Variants in LCLAT1 observed in about 807,000 individuals in gnomAD.
The protein encoded by LCLAT1 is 1-AGP acyltransferase 8.
Under a neutral mutation model 30.7 loss-of-function variants are expected in LCLAT1, and 11 were observed. The ratio of observed to expected loss-of-function variants is 0.36; its 90% CI spans 0.23 to 0.59. The LOEUF is 0.59. LCLAT1 is among the 20% of genes least tolerant of loss of function. The probability of loss-of-function intolerance (pLI) is 0.77; values close to 1 mark genes in which losing one functional copy is unlikely to be tolerated. For missense variants in LCLAT1, 402 were observed against 458.6 expected, an observed-to-expected ratio of 0.88 and a Z score of 1.13; for synonymous variants, 155 against 151.3, an observed-to-expected ratio of 1.02 and a Z score of -0.18.
chr2:30,636,109 C>G (rs781212266), intron 5 of LCLAT1, among the ~76,000 whole-genome samples: 13 of 152,124 alleles, frequency 8.5e-5, no homozygotes, highest in Non-Finnish European at 4.4e-5. Flanking sequence ...TCTTAGAACC[C>G]TTGGCATTTG....
chr2:30,495,931 C>A (rs112210236), intron 1 of LCLAT1, among the ~76,000 whole-genome samples: 1 of 152,018 alleles, frequency 6.6e-6, no homozygotes, highest in African/African-American at 2.4e-5. Context: ...TCTGTTCTTG[C>A]GTTGCTATAA....
chr2:30,577,293 A>G (rs945842136), intron 5 of LCLAT1, among the ~76,000 whole-genome samples: 6 of 152,018 alleles, frequency 3.9e-5, no homozygotes, highest in African/African-American at 1.4e-4. Flanking sequence ...AATGTCAGTA[A>G]CTTCTAAATC....
intron 1 of LCLAT1, among the ~76,000 whole-genome samples, chr2:30,502,713 C>T (rs947881059): frequency 1.3e-5 from 2 of 151,894 alleles, no homozygotes; most frequent in Non-Finnish European, 2.9e-5. Context: ...TCATCTCTCT[C>T]TTTTTTTTAG....
chr2:30,523,792 C>G (rs1286309088), intron 1 of LCLAT1, among the ~76,000 whole-genome samples: 1 of 152,166 alleles, frequency 6.6e-6, no homozygotes. Context: ...CGCTTGAACC[C>G]GGGAGGCAGA....
chr2:30,536,306 G>C (rs1686237440), intron 3 of LCLAT1, among the ~76,000 whole-genome samples: 1 of 152,198 alleles, frequency 6.6e-6, no homozygotes, highest in Non-Finnish European at 1.5e-5. Flanking sequence ...TCTTCAAATA[G>C]GTTGAAGCTG....
intron 5 of LCLAT1, among the ~76,000 whole-genome samples, chr2:30,638,231 C>G (rs1002248562): frequency 6.6e-6 from 1 of 152,188 alleles, no homozygotes; most frequent in Non-Finnish European, 1.5e-5. Context: ...CTAACCTGTT[C>G]AGTGGAAAGG....
chr2:30,565,274 C>T (rs1665425689), intron 4 of LCLAT1, among the ~76,000 whole-genome samples: 1 of 151,798 alleles, frequency 6.6e-6, no homozygotes, highest in African/African-American at 2.4e-5. Flanking sequence ...AAGTTCAAGG[C>T]CAAAGGCAGT....
intron 5 of LCLAT1, among the ~76,000 whole-genome samples, chr2:30,614,701 G>A (rs979807787): frequency 2.0e-5 from 3 of 152,186 alleles, no homozygotes; most frequent in African/African-American, 7.2e-5. Flanking sequence ...AAGGAGAGAG[G>A]CAGGAGATAC....
At chr2:30,517,460 A>C (rs1429642211) in intron 1 of LCLAT1, among the ~76,000 whole-genome samples, 1 of 152,102 alleles carries the variant, frequency 6.6e-6, no homozygotes, top group South Asian at 2.1e-4. Flanking sequence ...TCCTCCCCCA[A>C]TTTCTACCCA....
At chr2:30,635,093 A>G (rs574657752) in intron 5 of LCLAT1, among the ~76,000 whole-genome samples, 152 of 152,294 alleles carry the variant, frequency 1.0e-3, no homozygotes, top group Non-Finnish European at 8.7e-4. Flanking sequence ...TTTACTTAAT[A>G]TAAAGCTTTA....
At chr2:30,579,143 G>A (rs574222252) in intron 5 of LCLAT1, among the ~76,000 whole-genome samples, 1 of 152,046 alleles carries the variant, frequency 6.6e-6, no homozygotes, top group Non-Finnish European at 1.5e-5. Flanking sequence ...TTTAATGAAG[G>A]CTTATATTTT....
intron 1 of LCLAT1, among the ~76,000 whole-genome samples, chr2:30,482,032 G>A (rs1683346305): frequency 6.6e-6 from 1 of 152,150 alleles, no homozygotes; most frequent in African/African-American, 2.4e-5. Flanking sequence ...TAGAGAACTA[G>A]TATTATAAAT....
intron 5 of LCLAT1, among the ~76,000 whole-genome samples, chr2:30,602,089 C>G (rs1667219733): frequency 6.6e-6 from 1 of 152,028 alleles, no homozygotes; most frequent in Non-Finnish European, 1.5e-5. Flanking sequence ...GCTTCTTTCT[C>G]AATAGGATTT....
At position 30,492,360 on chromosome 2, in the gene LCLAT1, T is replaced by A. The variant is rs1030472906; in HGVS notation, c.-4-33227T>A. On this transcript the variant is annotated intron_variant, in intron 1 of 5. Coordinates refer to ENST00000379509, the MANE Select transcript of LCLAT1 (RefSeq NM_001002257.3). ...CTTGTAGGATGGGGTTGAATTTCCT[T>A]GAGAGGAGTAAAGCGGGTATATGAG... 3.3e-5 allele frequency among the ~76,000 whole-genome samples: 5 copies of A among 152,086 alleles called. No homozygotes were observed. The East Asian group carries it at 9.6e-4, about 29-fold the overall frequency.
chr2:30,594,573 A>G (rs891659191), intron 5 of LCLAT1, among the ~76,000 whole-genome samples: 3 of 152,138 alleles, frequency 2.0e-5, no homozygotes, highest in Non-Finnish European at 4.4e-5. Context: ...GTGTATGTGC[A>G]TGTGTATGTG....
In LCLAT1 at chr2:30,617,895, TTATAA is replaced by T. The variant is rs1363600790; in HGVS notation, c.629-22217_629-22213del. Among the ~76,000 whole-genome samples the T allele has an allele frequency of 2.6e-5, 4 of 152,316 alleles. No individual in the cohort carries two copies. In the East Asian group the frequency reaches 7.7e-4, roughly 29 times the overall value. ...TTTATATATCTTAGATACAAGTTAT[TTATAA>T]TATATTTGGTTTGCAAACATTATCT... is the stretch of plus-strand genomic sequence containing the variant. On this transcript the variant is annotated intron_variant, in intron 5 of 5. Transcript: ENST00000379509.
chr2:30,474,649 C>CTTT (rs10654986), intron 1 of LCLAT1, among the ~76,000 whole-genome samples: 24 of 143,880 alleles, frequency 1.7e-4, no homozygotes, highest in South Asian at 4.4e-4. Flanking sequence ...AATAATTTAA[C>CTTT]TTTTTTTTTT....
rs560409929 is a variant in LCLAT1 at position 30,550,345 on chromosome 2, A to G, written c.365-11801A>G. ...AATGGACTTTATTCAGACTTCACCA[A>G]TTTTTCCACTAATGTCCTTTTGTGG... On this transcript the variant is annotated intron_variant, in intron 3 of 5. Coordinates refer to ENST00000379509, the MANE Select transcript of LCLAT1 (RefSeq NM_001002257.3). Among the ~76,000 whole-genome samples, 10 of 152,254 alleles carry G rather than the reference A, an allele frequency of 6.6e-5. No homozygotes were observed. In the East Asian group the frequency reaches 1.4e-3, roughly 21 times the overall value.
At position 30,547,658 on chromosome 2, in the gene LCLAT1, T is replaced by C. The variant is rs117310548; in HGVS notation, c.364+14344T>C. ...ACAGTATTGTGTTAGCACATGAGGC[T>C]TGGAACTTTTGCAGGCATTCCCTCA... On this transcript the variant is annotated intron_variant, in intron 3 of 5. Transcript: ENST00000379509. Among the ~76,000 whole-genome samples the C allele has an allele frequency of 1.8e-3, 277 of 152,164 alleles. 2 individuals carry two copies. In the East Asian group the frequency reaches 0.029, roughly 16 times the overall value.
Sources: gnomAD v4.1 joint callset for allele counts (sites outside exome capture counted in the v4.1 genomes callset) on GRCh38, gnomAD v4.1.1 for gene constraint, MANE v1.5 for transcripts, NCBI Gene and HGNC (gene_info 2026-07-23, HGNC 2026-07-21) for gene names.